The following CROCC2 variants were observed in gnomAD, a reference collection of about 807,000 sequenced individuals.
The protein encoded by CROCC2 is ciliary rootlet coiled-coil, rootletin family member 2.
In CROCC2, 163 loss-of-function variants were observed where a neutral mutation model predicts 177.6. That is an observed-to-expected ratio of 0.92 (90% CI 0.81 to 1.05). The LOEUF is 1.05. Among genes scored for constraint, CROCC2 ranks in the 50% least tolerant of loss-of-function variants. The pLI is 0.00. For missense variants in CROCC2, 1,929 were observed against 1,797.8 expected, an observed-to-expected ratio of 1.07 and a Z score of -1.32; for synonymous variants, 904 against 787.3, an observed-to-expected ratio of 1.15 and a Z score of -2.48.
In CROCC2 at chr2:240,936,449, T is replaced by C. The variant is rs1020468687; in HGVS notation, c.2169+861T>C. 3.9e-5 allele frequency among the ~76,000 whole-genome samples: 6 copies of C among 152,196 alleles called. No individual in the cohort carries two copies. The East Asian group carries it at 1.2e-3, about 29-fold the overall frequency. ...AAATGGAGCCATGCAGTGTGGACGCTTTTGTGTCCAGCTTCTCTCTCTCAG... is the reference window on the plus strand; with the variant it reads ...AAATGGAGCCATGCAGTGTGGACGCCTTTGTGTCCAGCTTCTCTCTCTCAG... On this transcript the variant is annotated intron_variant, in intron 14 of 31. Transcript: ENST00000690015.
At chr2:240,927,719 C>T (rs11689418) in intron 5 of CROCC2, among the ~76,000 whole-genome samples, 27,008 of 152,234 alleles carry the variant, frequency 0.18, 2,577 homozygotes, top group African/African-American at 0.2. Flanking sequence ...GGCACAATCT[C>T]AGCTCACTGC....
rs1194408228 is a variant in CROCC2 at position 240,953,791 on chromosome 2, C to G, written c.2830-2068C>G. On this transcript the variant is annotated intron_variant, in intron 18 of 31. Coordinates refer to ENST00000690015, the MANE Select transcript of CROCC2 (RefSeq NM_001351305.2). The surrounding 1 kb of genome is among the most constrained non-coding windows in gnomAD (Gnocchi z 4.0). ...TATATGTGGAGCAAGAGCCAAAGAC[C>G]TGGAGCCGCTGGCCCAGGAGGGGCT... 8.6e-6 allele frequency among the ~76,000 whole-genome samples: 1 copy of G among 116,526 alleles called. No individual in the cohort carries two copies. Among genetic ancestry groups the G allele is most frequent in the Admixed American group, 8.8e-5 (1 of 11,344 alleles). 76.4% of individuals were successfully genotyped at this position (116,526 alleles called of 152,430 possible).
At chr2:240,933,988 G>T (rs1410025540) in intron 11 of CROCC2, 136 bp downstream of exon 11, 8 of 985,702 alleles carry the variant, frequency 8.1e-6, no homozygotes, top group African/African-American at 1.6e-5. Context: ...CCCTAACAGG[G>T]CAGGGGCGGG....
chr2:240,989,743 G>T lies in CROCC2; in HGVS notation c.4773G>T (p.Glu1591Asp). The change falls in exon 30 of 32, where the codon GAG (glutamate) becomes GAT (aspartate). Residue 1591 changes from glutamate (E) to aspartate (D), a missense_variant. Physicochemically the swap from Glu to Asp is conservative, Grantham distance 45 (BLOSUM62 2). Transcript: ENST00000690015. ...AGCGGGACCTGGCCACAGAGGCAGA[G>T]CGTCTCCATGGGGCCCGGCCGCAGG... ...QHQRDLATEA[E>D]RLHGARPQAT... The T allele has an allele frequency of 1.3e-6, 2 of 1,550,382 alleles. No individual in the cohort carries two copies. Among genetic ancestry groups the T allele is most frequent in the Non-Finnish European group, 8.7e-7 (1 of 1,146,904 alleles).
At position 240,910,650 on chromosome 2, in the gene CROCC2, C is replaced by T. The variant is rs115872337; in HGVS notation, c.78+4059C>T. On this transcript the variant is annotated intron_variant, in intron 1 of 31. Transcript: ENST00000690015. ...TGCCCCGAAGTGGCATCCCCTTTCT[C>T]GTTTCTGATACTAGCCGCGTACCGG... Among the ~76,000 whole-genome samples, 1,010 of 152,292 alleles carry T rather than the reference C, an allele frequency of 6.6e-3. 8 individuals are homozygous for T. The highest frequency in any genetic ancestry group is 0.011 in the Non-Finnish European group (763 of 68,024).
chr2:240,937,808 AG>A (rs2059479051), intron 14 of CROCC2, among the ~76,000 whole-genome samples: 1 of 152,018 alleles, frequency 6.6e-6, no homozygotes, highest in African/African-American at 2.4e-5. Context: ...GCCTGGTGGG[AG>A]GTGATTTGTT....
chr2:240,930,714 G>T (rs2059423434), intron 6 of CROCC2, among the ~76,000 whole-genome samples: 1 of 152,136 alleles, frequency 6.6e-6, no homozygotes, highest in African/African-American at 2.4e-5. Flanking sequence ...GGTGAAGGCT[G>T]CTGAAGCCTG....
At chr2:240,922,380 A>T (rs1382995749) in intron 3 of CROCC2, among the ~76,000 whole-genome samples, 159 bp from the exon 4 acceptor site, 1 of 152,154 alleles carries the variant, frequency 6.6e-6, no homozygotes, top group Non-Finnish European at 1.5e-5. Context: ...CATTGTGTGG[A>T]AGGGCCTGGG....
In CROCC2 at chr2:240,949,213, T is replaced by C. The variant is rs2059539783; in HGVS notation, c.2482+116T>C. On this transcript the variant is annotated intron_variant, in intron 16 of 31. Coordinates refer to ENST00000690015, the MANE Select transcript of CROCC2 (RefSeq NM_001351305.2). The surrounding 1 kb of genome is among the most constrained non-coding windows in gnomAD (Gnocchi z 4.5). ...CCCCTCTCCGGAGCCCACAGGGGCATGAACATGAGCTTGGAGCTCATGCGA... is the reference window on the plus strand; with the variant it reads ...CCCCTCTCCGGAGCCCACAGGGGCACGAACATGAGCTTGGAGCTCATGCGA... 9 of 1,437,798 alleles carry C rather than the reference T, an allele frequency of 6.3e-6. No homozygotes were observed. Among genetic ancestry groups the C allele is most frequent in the South Asian group, 4.5e-5 (3 of 67,236 alleles). The allele number at this position is 1,437,798 out of a possible 1,614,324, so 89.1% of individuals were successfully genotyped here.
In CROCC2 at chr2:240,965,699, C is replaced by T. The variant is rs1248001891; in HGVS notation, c.3667C>T (p.Leu1223Phe). The change falls in exon 24 of 32, where the codon CTC (leucine) becomes TTC (phenylalanine). Residue 1223 changes from leucine to phenylalanine, a missense_variant. Coordinates refer to ENST00000690015, the MANE Select transcript of CROCC2 (RefSeq NM_001351305.2). The stretch of plus-strand genomic sequence containing the variant: ...CGCAGGGGAGGCCCATGGACAGCGG[C>T]TCCAGGAGCACCTCCGTGAGAGCCG... ...EAAGEAHGQR[L>F]QEHLRESRGA... 1.3e-6 allele frequency: 2 copies of T among 1,549,728 alleles called. No homozygotes were observed. Among genetic ancestry groups the T allele is most frequent in the African/African-American group, 1.4e-5 (1 of 73,060 alleles).
At chr2:240,916,624 G>A (rs1250284748) in intron 1 of CROCC2, among the ~76,000 whole-genome samples, 2 of 151,984 alleles carry the variant, frequency 1.3e-5, no homozygotes, top group South Asian at 2.1e-4. Flanking sequence ...AACCCATTAC[G>A]CCCCAGCGCC....
Position 240,949,413 on chromosome 2 carries a change from C to A in CROCC2, c.2483-120C>A. 7.9e-7 allele frequency: 1 copy of A among 1,271,354 alleles called. No individual in the cohort carries two copies. The highest frequency in any genetic ancestry group is 1.1e-6 in the Non-Finnish European group (1 of 923,112). The allele number at this position is 1,271,354 out of a possible 1,614,324, so 78.8% of individuals were successfully genotyped here. A position where few individuals can be genotyped will look rare whatever the true frequency, so the allele number is the denominator to read the frequency against. ...GCCCACCCTGCCATGTGCTGGCCAC[C>A]CACTCCCGGAGCCTGGAGTGGACAG... On this transcript the variant is annotated intron_variant, in intron 16 of 31. Coordinates refer to ENST00000690015, the MANE Select transcript of CROCC2 (RefSeq NM_001351305.2). This position sits in a 1 kb window ranked among gnomAD's most constrained non-coding sequence, Gnocchi z 4.5.
rs993593022 is a variant in CROCC2 at position 240,965,435 on chromosome 2, C to T, written c.3520C>T (p.Gln1174Ter). The change falls in exon 23 of 32, where the codon CAG (glutamine) becomes TAG (stop). Residue 1174 changes from glutamine to a stop codon, truncating the protein, a stop_gained. Coordinates refer to ENST00000690015, the MANE Select transcript of CROCC2 (RefSeq NM_001351305.2). LOFTEE classifies it high-confidence loss of function. ...GAGGAGTGGAGAGGCCCATGAGCTG[C>T]AGGCGCAGTGCTCGCAGGAGGTGCT... ...QRRSGEAHELQAQCSQEVLEL... is the reference protein window; with the variant it reads ...QRRSGEAHEL 6.4e-5 allele frequency: 99 copies of T among 1,549,910 alleles called. No homozygotes were observed. The highest frequency in any genetic ancestry group is 8.5e-5 in the Non-Finnish European group (97 of 1,146,978).
chr2:240,966,952 C>T (rs2059688121), intron 25 of CROCC2, among the ~76,000 whole-genome samples: 1 of 151,998 alleles, frequency 6.6e-6, no homozygotes, highest in Non-Finnish European at 1.5e-5. Context: ...GGCCCACCCT[C>T]CCACCGCTGC....
chr2:240,985,963 C>T (rs1329959502), intron 28 of CROCC2: 2 of 456,648 alleles, frequency 4.4e-6, no homozygotes, highest in African/African-American at 2.0e-5. Flanking sequence ...ACCGATCCCT[C>T]TTTCTGTTCA....
chr2:240,964,017 C>T (rs2059659996), intron 21 of CROCC2: 1 of 589,100 alleles, frequency 1.7e-6, no homozygotes, highest in East Asian at 2.8e-5. Flanking sequence ...AGTTCCCATC[C>T]AGCAGGCAAG....
chr2:240,974,347 C>CT (rs57051056), intron 27 of CROCC2, among the ~76,000 whole-genome samples: 5,665 of 127,034 alleles, frequency 0.045, 410 homozygotes, highest in African/African-American at 0.15. Flanking sequence ...TTTTAGTTTA[C>CT]TTTTTTTTTT....
chr2:240,957,702 G>A (rs1375722802), intron 19 of CROCC2: 1 of 152,440 alleles, frequency 6.6e-6, no homozygotes, highest in Non-Finnish European at 1.5e-5. Flanking sequence ...CCTTCAAGCA[G>A]GGCTGCCCAG....
intron 27 of CROCC2, among the ~76,000 whole-genome samples, chr2:240,977,014 G>T (rs1291751338): frequency 3.6e-5 from 2 of 55,510 alleles, no homozygotes; most frequent in Non-Finnish European, 6.7e-5. Flanking sequence ...AGTCTCTGGG[G>T]TAGGAGCCTC....
Sources: allele counts gnomAD v4.1 joint callset (sites outside exome capture counted in the v4.1 genomes callset), GRCh38; gene constraint gnomAD v4.1.1; non-coding constraint Gnocchi (gnomAD v3.1); transcripts MANE v1.5; gene names NCBI Gene and HGNC (gene_info 2026-07-23, HGNC 2026-07-21).